The following EXT1 variants were observed in gnomAD, a reference collection of about 807,000 sequenced individuals.
The protein encoded by EXT1 is exostosin-1.
Under a neutral mutation model 82.5 loss-of-function variants are expected in EXT1, and 20 were observed. That is an observed-to-expected ratio of 0.24 (90% confidence interval 0.17 to 0.35). The LOEUF (loss-of-function observed/expected upper bound fraction) is 0.35, where lower values mean the gene tolerates loss of function less well. Ranked by LOEUF, EXT1 falls within the 10% of genes least tolerant of loss-of-function variation. The pLI is 1.00. For missense variants in EXT1, 757 were observed against 936.5 expected, an observed-to-expected ratio of 0.81 and a Z score of 2.50; for synonymous variants, 348 against 350.8, an observed-to-expected ratio of 0.99 and a Z score of 0.09.
chr8:117,976,110 A>C (rs1419281793), intron 1 of EXT1, among the ~76,000 whole-genome samples: 1 of 152,244 alleles, frequency 6.6e-6, no homozygotes, highest in Non-Finnish European at 1.5e-5. Flanking sequence ...GCAAATGTAC[A>C]CATGAGCTAT....
rs1817868476 is a variant in EXT1, at chr8:118,110,144, G to A, written c.903C>T (p.Gly301=). 6.2e-7 allele frequency: 1 copy of A among 1,614,218 alleles called. No homozygotes were observed. The highest frequency in any genetic ancestry group is 2.2e-5 in the East Asian group (1 of 44,878). The change falls in exon 1 of 11, where the codon GGC becomes GGT. Residue 301 remains glycine, a synonymous_variant. Coordinates refer to ENST00000378204, the MANE Select transcript of EXT1 (RefSeq NM_000127.3). ...AATCCTTGTGCTTTTGCCAGTCTTT[G>A]CCATGCTTGCAGGTGGTGAGGAGCA... is the stretch of plus-strand genomic sequence containing the variant. ...DVVLLTTCKH[G]KDWQKHKDSR...
chr8:117,913,256 A>G (rs557087360), intron 1 of EXT1, among the ~76,000 whole-genome samples: 14 of 152,186 alleles, frequency 9.2e-5, no homozygotes, highest in Admixed American at 7.9e-4. Context: ...AGAGAACACA[A>G]TGCATGCCAG....
At chr8:118,058,975 T>G (rs1816838222) in intron 1 of EXT1, among the ~76,000 whole-genome samples, 1 of 152,174 alleles carries the variant, frequency 6.6e-6, no homozygotes, top group South Asian at 2.1e-4. Context: ...ATGATGGTCT[T>G]GAGTACCTCC....
intron 1 of EXT1, among the ~76,000 whole-genome samples, chr8:118,096,961 A>C (rs1395739372): frequency 1.3e-5 from 2 of 152,222 alleles, no homozygotes; most frequent in Non-Finnish European, 2.9e-5. Flanking sequence ...TCATTTATGC[A>C]ACAAACACTG....
rs766638751 is a variant in EXT1 at position 117,822,613 on chromosome 8, T to C, written c.1285-16A>G. 3 of 1,611,168 alleles carry C rather than the reference T, an allele frequency of 1.9e-6. No homozygotes were observed. The highest frequency in any genetic ancestry group is 2.5e-6 in the Non-Finnish European group (3 of 1,179,378). ...CCTGAATAATCTAGAAAATAAAACATAGCACACAGTGAGGATGAGATCCTG... is the reference window on the plus strand; with the variant it reads ...CCTGAATAATCTAGAAAATAAAACACAGCACACAGTGAGGATGAGATCCTG... On this transcript the variant is annotated splice_polypyrimidine_tract_variant and intron_variant, in intron 4 of 10. Transcript: ENST00000378204.
chr8:117,843,575 G>A (rs1255599822), intron 1 of EXT1, among the ~76,000 whole-genome samples: 11 of 152,104 alleles, frequency 7.2e-5, no homozygotes, highest in African/African-American at 2.7e-4. Flanking sequence ...GGGAAGGTAT[G>A]GGGGTGTGGG....
At chr8:117,882,360 G>C (rs1402588797) in intron 1 of EXT1, among the ~76,000 whole-genome samples, 1 of 152,198 alleles carries the variant, frequency 6.6e-6, no homozygotes, top group Non-Finnish European at 1.5e-5. Flanking sequence ...TGGGATTACA[G>C]TCGTGAGCCA....
intron 1 of EXT1, among the ~76,000 whole-genome samples, chr8:117,993,233 T>C (rs980564279): frequency 6.6e-6 from 1 of 152,062 alleles, no homozygotes; most frequent in Non-Finnish European, 1.5e-5. Context: ...GCTGATCAAG[T>C]TTTAAAAAAA....
chr8:117,970,154 G>T (rs531622665), intron 1 of EXT1, among the ~76,000 whole-genome samples: 4 of 152,116 alleles, frequency 2.6e-5, no homozygotes. Flanking sequence ...TTAACCCCAA[G>T]ATCTTTTTTA....
At chr8:117,986,293 G>A (rs1480611370) in intron 1 of EXT1, among the ~76,000 whole-genome samples, 2 of 151,664 alleles carry the variant, frequency 1.3e-5, no homozygotes, top group Non-Finnish European at 1.5e-5. Context: ...GGGTTCAAGC[G>A]ATTCTCCTGC....
intron 1 of EXT1, among the ~76,000 whole-genome samples, chr8:117,952,790 T>C (rs1397117962): frequency 1.3e-5 from 2 of 152,006 alleles, no homozygotes; most frequent in Non-Finnish European, 2.9e-5. Flanking sequence ...CATTTCATAA[T>C]AAAGCCTCAA....
At chr8:118,063,695 C>T (rs543627338) in intron 1 of EXT1, among the ~76,000 whole-genome samples, 1 of 152,328 alleles carries the variant, frequency 6.6e-6, no homozygotes, top group East Asian at 1.9e-4. Flanking sequence ...ATCCTTGCTT[C>T]GGTTTACAAC....
At chr8:117,967,643 T>G (rs982954369) in intron 1 of EXT1, among the ~76,000 whole-genome samples, 2 of 152,222 alleles carry the variant, frequency 1.3e-5, no homozygotes, top group Non-Finnish European at 2.9e-5. Context: ...AGATGAGCAC[T>G]TGGATAACAA....
intron 1 of EXT1, among the ~76,000 whole-genome samples, chr8:117,989,953 TGA>T (rs1233854970): frequency 2.0e-5 from 3 of 152,168 alleles, no homozygotes; most frequent in Non-Finnish European, 4.4e-5. Context: ...TCCAGCACTT[TGA>T]GAGGCCAAGA....
chr8:118,017,527 A>T (rs1816024712), intron 1 of EXT1, among the ~76,000 whole-genome samples: 1 of 151,938 alleles, frequency 6.6e-6, no homozygotes, highest in African/African-American at 2.4e-5. Context: ...ATCTCCCCTC[A>T]CCACACTGGT....
intron 1 of EXT1, among the ~76,000 whole-genome samples, chr8:117,973,465 T>C (rs1379020198): frequency 6.6e-6 from 1 of 152,182 alleles, no homozygotes; most frequent in Non-Finnish European, 1.5e-5. Flanking sequence ...GCTATACTAG[T>C]GCAAATTAAA....
At chr8:118,063,863 T>C (rs1018874846) in intron 1 of EXT1, among the ~76,000 whole-genome samples, 5 of 151,500 alleles carry the variant, frequency 3.3e-5, no homozygotes, top group African/African-American at 9.8e-5. Context: ...TATTTACTTA[T>C]TTATTTATTT....
intron 1 of EXT1, among the ~76,000 whole-genome samples, chr8:118,075,234 T>G (rs922059180): frequency 1.2e-4 from 19 of 152,310 alleles, no homozygotes; most frequent in Admixed American, 4.6e-4. Flanking sequence ...GTGCACAGTG[T>G]TGGAGTCTGA....
chr8:117,814,412 A>G (rs1386031792), intron 7 of EXT1, among the ~76,000 whole-genome samples: 2 of 152,096 alleles, frequency 1.3e-5, no homozygotes, highest in East Asian at 3.9e-4. Context: ...ACATTTTTTG[A>G]ACATTTACTG....
Sources: gnomAD v4.1 joint callset for allele counts (sites outside exome capture counted in the v4.1 genomes callset) on GRCh38, gnomAD v4.1.1 for gene constraint, MANE v1.5 for transcripts, NCBI Gene and HGNC (gene_info 2026-07-23, HGNC 2026-07-21) for gene names.